PDE10A: variants seen among roughly 807,000 people sequenced by gnomAD.
PDE10A encodes phosphodiesterase 10A, also known as cAMP and cAMP-inhibited cGMP 3',5'-cyclic phosphodiesterase 10A.
In PDE10A, 39 loss-of-function variants were observed where a neutral mutation model predicts 97.7. The ratio of observed to expected loss-of-function variants is 0.40; its 90% CI spans 0.31 to 0.52. The LOEUF (loss-of-function observed/expected upper bound fraction) is 0.52, where lower values mean the gene tolerates loss of function less well. Ranked by LOEUF, PDE10A falls within the 20% of genes least tolerant of loss-of-function variation. The pLI is 0.56. For missense variants in PDE10A, 731 were observed against 1,047.8 expected (o/e 0.70, Z 4.17); for synonymous variants, 371 against 376.8 (o/e 0.98, Z 0.18).
At chr6:165,463,486 C>T (rs1778445728) in intron 3 of PDE10A, among the ~76,000 whole-genome samples, 1 of 152,208 alleles carries the variant, frequency 6.6e-6, no homozygotes, top group African/African-American at 2.4e-5. Flanking sequence ...CAGCTAGTAA[C>T]CCATTAATAT....
intron 1 of PDE10A, among the ~76,000 whole-genome samples, chr6:165,573,990 G>A (rs1562593611): frequency 6.6e-6 from 1 of 152,238 alleles, no homozygotes. Flanking sequence ...CCATTACTGT[G>A]TGAACCCTGG....
At chr6:165,744,202 A>G (rs1189613058) in intron 1 of PDE10A, among the ~76,000 whole-genome samples, 1 of 152,248 alleles carries the variant, frequency 6.6e-6, no homozygotes, top group Non-Finnish European at 1.5e-5. Flanking sequence ...TGTCTACAGA[A>G]AAAAGAAATT....
At chr6:165,742,569 C>T (rs1583023876) in intron 1 of PDE10A, among the ~76,000 whole-genome samples, 1 of 152,138 alleles carries the variant, frequency 6.6e-6, no homozygotes, top group South Asian at 2.1e-4. Context: ...CAGGTGGGCT[C>T]GGGTCACTGA....
chr6:165,763,379 G>T (rs1793297516), intron 1 of PDE10A, among the ~76,000 whole-genome samples: 1 of 152,216 alleles, frequency 6.6e-6, no homozygotes, highest in Admixed American at 6.5e-5. Context: ...CTGGAACGCA[G>T]TGGCATGATC....
intron 5 of PDE10A, among the ~76,000 whole-genome samples, chr6:165,436,952 A>G (rs1049889007): frequency 6.6e-6 from 1 of 152,168 alleles, no homozygotes; most frequent in Admixed American, 6.5e-5. Context: ...AAAATTTAAA[A>G]TGTGGTATAT....
intron 1 of PDE10A, among the ~76,000 whole-genome samples, chr6:165,984,106 T>C (rs1041686689): frequency 2.6e-5 from 4 of 152,382 alleles, no homozygotes; most frequent in South Asian, 2.1e-4. Context: ...AATTACCAAG[T>C]AGCATTTTTA....
At chr6:165,518,870 G>A (rs1781974681) in intron 2 of PDE10A, among the ~76,000 whole-genome samples, 1 of 152,136 alleles carries the variant, frequency 6.6e-6, no homozygotes, top group South Asian at 2.1e-4. Flanking sequence ...ATGTAAGGGT[G>A]GCAGTCATGT....
At chr6:165,926,126 G>A (rs1022132173) in intron 1 of PDE10A, among the ~76,000 whole-genome samples, 12 of 152,348 alleles carry the variant, frequency 7.9e-5, no homozygotes, top group Admixed American at 7.8e-4. Flanking sequence ...TTTTCCAGCT[G>A]TTTTCTGCCT....
At chr6:165,364,863 C>G (rs953685511) in intron 18 of PDE10A, among the ~76,000 whole-genome samples, 3 of 151,884 alleles carry the variant, frequency 2.0e-5, no homozygotes, top group Admixed American at 6.6e-5. Flanking sequence ...TTGAAATAAC[C>G]TCTACATCAA....
At chr6:165,614,954 G>T (rs1393546419) in intron 1 of PDE10A, among the ~76,000 whole-genome samples, 1 of 152,134 alleles carries the variant, frequency 6.6e-6, no homozygotes, top group Non-Finnish European at 1.5e-5. Context: ...GCTCACGCCT[G>T]TAATACTAGC....
intron 1 of PDE10A, among the ~76,000 whole-genome samples, chr6:165,670,330 T>G (rs1790612812): frequency 6.6e-6 from 1 of 152,190 alleles, no homozygotes; most frequent in African/African-American, 2.4e-5. Context: ...GAAACGCATT[T>G]CAGCAAAATA....
At chr6:165,382,737 TTGATGA>T (rs35602278) in intron 17 of PDE10A, among the ~76,000 whole-genome samples, 3 of 151,126 alleles carry the variant, frequency 2.0e-5, no homozygotes, top group African/African-American at 7.3e-5. Context: ...ATAGTGATGA[TTGATGA>T]TGATGATGAT....
intron 18 of PDE10A, among the ~76,000 whole-genome samples, chr6:165,353,862 A>G (rs763658219): frequency 6.6e-6 from 1 of 152,130 alleles, no homozygotes; most frequent in Non-Finnish European, 1.5e-5. Context: ...CCTAATGTAA[A>G]CTACAGACTT....
intron 1 of PDE10A, among the ~76,000 whole-genome samples, chr6:165,601,157 C>T (rs1031662180): frequency 2.0e-5 from 3 of 152,132 alleles, no homozygotes; most frequent in Non-Finnish European, 4.4e-5. Context: ...GGGGTTTCCA[C>T]TTTTGCTTCT....
intron 2 of PDE10A, among the ~76,000 whole-genome samples, chr6:165,499,331 T>G (rs1477949500): frequency 6.6e-6 from 1 of 152,084 alleles, no homozygotes; most frequent in Non-Finnish European, 1.5e-5. Context: ...AATACATAAA[T>G]GTACACTGGA....
At chr6:165,507,741 G>T (rs941549782) in intron 2 of PDE10A, among the ~76,000 whole-genome samples, 6 of 151,932 alleles carry the variant, frequency 3.9e-5, no homozygotes, top group African/African-American at 1.5e-4. Context: ...TTCTACTGAT[G>T]GGCCCTATTG....
intron 5 of PDE10A, among the ~76,000 whole-genome samples, chr6:165,442,156 AT>A (rs1790515067): frequency 6.6e-6 from 1 of 152,104 alleles, no homozygotes; most frequent in East Asian, 1.9e-4. Context: ...TTTTTTTATT[AT>A]TATACTTTAA....
chr6:165,871,334 T>C (rs562203149), intron 1 of PDE10A, among the ~76,000 whole-genome samples: 1 of 152,326 alleles, frequency 6.6e-6, no homozygotes, highest in African/African-American at 2.4e-5. Flanking sequence ...GTGCTTTACT[T>C]TTTTAACTAG....
chr6:165,874,215 C>T (rs1562777111), intron 1 of PDE10A, among the ~76,000 whole-genome samples: 2 of 152,188 alleles, frequency 1.3e-5, no homozygotes, highest in Non-Finnish European at 2.9e-5. Context: ...ATTGCTTTTT[C>T]TCATTTTGCC....
Sources: gnomAD v4.1 joint callset for allele counts (sites outside exome capture counted in the v4.1 genomes callset) on GRCh38, gnomAD v4.1.1 for gene constraint, MANE v1.5 for transcripts, NCBI Gene and HGNC (gene_info 2026-07-23, HGNC 2026-07-21) for gene names.